Variants in TRIO observed in about 807,000 individuals in gnomAD.
TRIO encodes the protein trio Rho guanine nucleotide exchange factor.
In TRIO, 58 loss-of-function variants were observed where a neutral mutation model predicts 351.9. That is an observed-to-expected ratio of 0.16 (90% CI 0.13 to 0.21). The LOEUF (loss-of-function observed/expected upper bound fraction) is 0.21. TRIO is among the 10% of genes least tolerant of loss of function. The pLI, the probability that TRIO is intolerant of heterozygous loss-of-function variation, is 1.00. For missense variants in TRIO, 3,201 were observed against 4,027.8 expected (o/e 0.79, Z 5.56); for synonymous variants, 1,758 against 1,595.7 (o/e 1.10, Z -2.42).
chr5:14,245,175 C>T (rs1469726153), intron 1 of TRIO, among the ~76,000 whole-genome samples: 1 of 152,188 alleles, frequency 6.6e-6, no homozygotes, highest in African/African-American at 2.4e-5. Flanking sequence ...CATCCACTCG[C>T]CGTTCTGTGG....
chr5:14,358,116 G>A lies in TRIO; in HGVS notation c.2047-62G>A, dbSNP rs185950416. The A allele has an allele frequency of 1.1e-3, 1,700 of 1,546,186 alleles. 17 individuals are homozygous for A. The African/African-American group carries it at 0.021, about 19-fold the overall frequency. The stretch of plus-strand genomic sequence containing the variant: ...TCTCCACTGGGGCCCCTTGGACACC[G>A]GGCGGCCCACCTGGTGGTGCAGCCA... On this transcript the variant is annotated intron_variant, in intron 11 of 56. Transcript: ENST00000344204.
At chr5:14,261,998 T>C (rs189474561) in intron 1 of TRIO, among the ~76,000 whole-genome samples, 3 of 152,322 alleles carry the variant, frequency 2.0e-5, no homozygotes, top group Admixed American at 2.0e-4. Context: ...TCGCTATTGC[T>C]CTGTGCCTAG....
chr5:14,406,019 G>C, intron 32 of TRIO, 29 bp downstream of exon 32: 2 of 1,604,834 alleles, frequency 1.2e-6, no homozygotes, highest in Non-Finnish European at 1.7e-6. Context: ...CTGGAGGTTT[G>C]TGGATGTGGG....
intron 49 of TRIO, 67 bp downstream of exon 49, chr5:14,492,881 A>G: frequency 6.3e-7 from 1 of 1,584,350 alleles, no homozygotes. Flanking sequence ...CCCGTGAGGC[A>G]CACGACCTCA....
At chr5:14,338,852 A>G (rs1741671090) in intron 11 of TRIO, among the ~76,000 whole-genome samples, 1 of 152,110 alleles carries the variant, frequency 6.6e-6, no homozygotes, top group Non-Finnish European at 1.5e-5. Flanking sequence ...CATGTTCCAG[A>G]GCCAGGTGGT....
At chr5:14,456,013 G>T (rs1257299355) in intron 34 of TRIO, among the ~76,000 whole-genome samples, 1 of 152,278 alleles carries the variant, frequency 6.6e-6, no homozygotes, top group African/African-American at 2.4e-5. Context: ...CTGCCCCGCG[G>T]GGAGGTGGCT....
chr5:14,460,403 C>T (rs1753690963), intron 34 of TRIO, among the ~76,000 whole-genome samples: 1 of 152,204 alleles, frequency 6.6e-6, no homozygotes, highest in East Asian at 1.9e-4. Context: ...ACTTTCCAGT[C>T]GCCGGCTTTG....
At position 14,467,959 on chromosome 5, in the gene TRIO, CT is replaced by C. The variant is rs893648883; in HGVS notation, c.5763+2327del. ...CAGTGAGTTTTTAAGCATCCTTAAA[CT>C]TTTTTTTAAAAGCCATTTATACACG... On this transcript the variant is annotated intron_variant, in intron 37 of 56. Coordinates refer to ENST00000344204, the MANE Select transcript of TRIO (RefSeq NM_007118.4). 3.9e-5 allele frequency among the ~76,000 whole-genome samples: 6 copies of C among 152,178 alleles called. No homozygotes were observed. The South Asian group carries it at 1.2e-3, about 32-fold the overall frequency.
At position 14,504,582 on chromosome 5, in the gene TRIO, G is replaced by C. The variant is rs780300933; in HGVS notation, c.8601G>C (p.Leu2867=). ...TTGAGACCCCCACCAGCTACATCCT[G>C]GTCTTAGAAATGTGCGTACACACCT... ...DTFETPTSYI[L]VLEMADQGRL... Residue 2867 remains leucine (L), a synonymous_variant, in exon 55 of 57, where the codon CTG becomes CTC. Transcript: ENST00000344204. The C allele has an allele frequency of 1.2e-6, 2 of 1,614,078 alleles. No individual in the cohort carries two copies. Among genetic ancestry groups the C allele is most frequent in the South Asian group, 1.1e-5 (1 of 91,072 alleles).
intron 1 of TRIO, among the ~76,000 whole-genome samples, chr5:14,162,858 A>G (rs1418328626): frequency 6.6e-6 from 1 of 151,966 alleles, no homozygotes; most frequent in Non-Finnish European, 1.5e-5. Flanking sequence ...CCAGGCTGGC[A>G]TGCAGTGGCA....
chr5:14,230,057 C>T (rs72744212), intron 1 of TRIO, among the ~76,000 whole-genome samples: 45,549 of 152,054 alleles, frequency 0.3, 6,979 homozygotes, highest in East Asian at 0.44. Flanking sequence ...AGCGCTTGCA[C>T]GTAGAATCCC....
Position 14,233,239 on chromosome 5 carries a change from G to A in TRIO, c.158-37586G>A, listed in dbSNP as rs760076953. On this transcript the variant is annotated intron_variant, in intron 1 of 56. Coordinates refer to ENST00000344204, the MANE Select transcript of TRIO (RefSeq NM_007118.4). Reference sequence around the variant, plus strand: ...CTCACGGTTTTAATCCCAGCACTTCGGGAAGCCAAGGCAAGTGGATCACTT... The same window carrying A: ...CTCACGGTTTTAATCCCAGCACTTCAGGAAGCCAAGGCAAGTGGATCACTT... Among the ~76,000 whole-genome samples, 7 of 151,058 alleles carry A rather than the reference G, an allele frequency of 4.6e-5. 1 individual carries two copies. The highest frequency in any genetic ancestry group is 4.2e-4 in the South Asian group (2 of 4,762).
At chr5:14,181,159 A>C (rs1030931750) in intron 1 of TRIO, among the ~76,000 whole-genome samples, 6 of 125,930 alleles carry the variant, frequency 4.8e-5, no homozygotes, top group Non-Finnish European at 7.0e-5. Context: ...ACATACAGCT[A>C]ACACTGCAGA....
In TRIO at chr5:14,275,246, G is replaced by A. The variant is rs1735391934; in HGVS notation, c.232+4347G>A. Among the ~76,000 whole-genome samples, 3 of 152,132 alleles carry A rather than the reference G, an allele frequency of 2.0e-5. 1 individual carries two copies. In the South Asian group the frequency reaches 6.2e-4, roughly 31 times the overall value. ...TGCTAATGGTATTAGCACAGTATAT[G>A]ACTACCAAATGTAATTTAGTATTTT... On this transcript the variant is annotated intron_variant, in intron 2 of 56. Transcript: ENST00000344204.
At chr5:14,328,600 C>T (rs530028120) in intron 9 of TRIO, among the ~76,000 whole-genome samples, 7 of 152,306 alleles carry the variant, frequency 4.6e-5, no homozygotes, top group African/African-American at 1.4e-4. Context: ...CAGCCTGTGC[C>T]GTCAGGAGCT....
intron 18 of TRIO, among the ~76,000 whole-genome samples, chr5:14,372,307 G>A (rs1392699040): frequency 1.3e-5 from 2 of 151,806 alleles, no homozygotes; most frequent in African/African-American, 4.8e-5. Flanking sequence ...CTTGCCAGTG[G>A]TGCTTGTACT....
At chr5:14,273,714 CT>C (rs1735238793) in intron 2 of TRIO, among the ~76,000 whole-genome samples, 2 of 152,306 alleles carry the variant, frequency 1.3e-5, no homozygotes, top group Admixed American at 1.3e-4. Context: ...TAAAAATGCC[CT>C]GTAGTTTATA....
At chr5:14,280,775 T>G (rs1735923714) in intron 3 of TRIO, among the ~76,000 whole-genome samples, 1 of 152,226 alleles carries the variant, frequency 6.6e-6, no homozygotes, top group Non-Finnish European at 1.5e-5. Flanking sequence ...AATTGGGTGC[T>G]GCTTTTGACA....
intron 34 of TRIO, among the ~76,000 whole-genome samples, chr5:14,433,139 G>A (rs1434598385): frequency 6.6e-6 from 1 of 152,182 alleles, no homozygotes; most frequent in Non-Finnish European, 1.5e-5. Context: ...ATGTAAAAAA[G>A]GAGTATTTGA....
Sources: allele counts gnomAD v4.1 joint callset (sites outside exome capture counted in the v4.1 genomes callset), GRCh38; gene constraint gnomAD v4.1.1; transcripts MANE v1.5; gene names NCBI Gene and HGNC (gene_info 2026-07-23, HGNC 2026-07-21).